NOC2L: variants seen among roughly 807,000 people sequenced by gnomAD.
The protein encoded by NOC2L is nucleolar complex protein 2 homolog.
Under a neutral mutation model 94.2 loss-of-function variants are expected in NOC2L, and 101 were observed. That is an observed-to-expected ratio of 1.07 (90% CI 0.91 to 1.26). The LOEUF (loss-of-function observed/expected upper bound fraction) is 1.26. Ranked by LOEUF, NOC2L falls within the 50% of genes most tolerant of loss-of-function variation. The probability of loss-of-function intolerance (pLI) is 0.00; values close to 1 mark genes in which losing one functional copy is unlikely to be tolerated. For missense variants in NOC2L, 1,076 were observed against 980.1 expected (o/e 1.10, Z -1.31); for synonymous variants, 531 against 413.4 (o/e 1.28, Z -3.45).
chr1:947,541 G>A (rs3128104), intron 14 of NOC2L, among the ~76,000 whole-genome samples: 1 of 152,214 alleles, frequency 6.6e-6, no homozygotes, highest in African/African-American at 2.4e-5. Context: ...CTAGGCACAG[G>A]CCTCCCTGAG....
At chr1:956,318 A>T in intron 4 of NOC2L, 103 bp from the exon 5 acceptor site, 1 of 1,381,020 alleles carries the variant, frequency 7.2e-7, no homozygotes, top group African/African-American at 1.4e-5. Context: ...TCACCCTCAG[A>T]CATAGGGCAG....
rs772130742 is a variant in NOC2L at position 952,071 on chromosome 1, G to A, written c.1260C>T (p.Ser420=). 6.2e-7 allele frequency: 1 copy of A among 1,613,710 alleles called. No homozygotes were observed. The highest frequency in any genetic ancestry group is 8.5e-7 in the Non-Finnish European group (1 of 1,179,972). Reference sequence around the variant, plus strand: ...GGAGGGCTTCGCTGGGGCCCGCAGTGCTCAGGACCCGGCACCACAGGAAGA... The same window carrying A: ...GGAGGGCTTCGCTGGGGCCCGCAGTACTCAGGACCCGGCACCACAGGAAGA... ...HCLFLWCRVL[S]TAGPSEALQP... Residue 420 remains serine, a synonymous_variant, in exon 11 of 19, where the codon AGC becomes AGT. Transcript: ENST00000327044.
rs529013814 is a variant in NOC2L, at chr1:958,691, A to G, written c.179+238T>C. 2.5e-5 allele frequency: 17 copies of G among 689,082 alleles called. 1 individual carries two copies. In the East Asian group the frequency reaches 2.8e-4, roughly 11 times the overall value. 42.7% of individuals were successfully genotyped at this position (689,082 alleles called of 1,614,324 possible). ...CACCCAAGAACGTGAGAGTTCTCCT[A>G]GATCGGGAAGAGATTTTTGCACAAC... is the stretch of plus-strand genomic sequence containing the variant. On this transcript the variant is annotated intron_variant, in intron 2 of 18. Coordinates refer to ENST00000327044, the MANE Select transcript of NOC2L (RefSeq NM_015658.4).
rs1260752921 is a variant in NOC2L, at chr1:944,555, A to AAAAT, written c.*135_*138dup. 5 of 634,588 alleles carry AAAAT rather than the reference A, an allele frequency of 7.9e-6. No individual in the cohort carries two copies. The highest frequency in any genetic ancestry group is 1.9e-5 in the African/African-American group (1 of 53,716). The allele number at this position is 634,588 out of a possible 1,614,324, so 39.3% of individuals were successfully genotyped here. On this transcript the variant is annotated 3_prime_UTR_variant, in exon 19 of 19. Coordinates refer to ENST00000327044, the MANE Select transcript of NOC2L (RefSeq NM_015658.4). ...CGATACGTTTGGTCTTTCATGCTGA[A>AAAAT]AAATAAATAATAAAGCCTGTCCCGT...
At position 955,843 on chromosome 1, in the gene NOC2L, G is replaced by A. The variant is rs1642385499; in HGVS notation, c.698+80C>T. 3.3e-6 allele frequency: 4 copies of A among 1,221,756 alleles called. No individual in the cohort carries two copies. The South Asian group carries it at 5.1e-5, about 15-fold the overall frequency. The allele number at this position is 1,221,756 out of a possible 1,614,324, so 75.7% of individuals were successfully genotyped here. A position where few individuals can be genotyped will look rare whatever the true frequency, so the allele number is the denominator to read the frequency against. On this transcript the variant is annotated intron_variant, in intron 6 of 18. Coordinates refer to ENST00000327044, the MANE Select transcript of NOC2L (RefSeq NM_015658.4). ...GCTCTGTTGCCATGTCTCTGTCCTA[G>A]CCACAAGGCCTCTGGCTTCTCCTGT...
At chr1:947,959 G>A (rs1181629528) in intron 14 of NOC2L, among the ~76,000 whole-genome samples, 172 bp downstream of exon 14, 1 of 152,238 alleles carries the variant, frequency 6.6e-6, no homozygotes, top group African/African-American at 2.4e-5. Flanking sequence ...GAATGGCTTA[G>A]AACCCCTCAT....
Position 944,740 on chromosome 1 carries a change from C to T in NOC2L, c.2204G>A (p.Gly735Glu). 2 of 1,601,084 alleles carry T rather than the reference C, an allele frequency of 1.2e-6. No individual in the cohort carries two copies. Among genetic ancestry groups the T allele is most frequent in the Non-Finnish European group, 1.7e-6 (2 of 1,178,706 alleles). Residue 735 changes from glycine (G) to glutamate (E), a missense_variant, in exon 19 of 19, where the codon GGG becomes GAG. Physicochemically the swap from Gly to Glu is moderately conservative, Grantham distance 98 (BLOSUM62 -2). This residue lies in a region of NOC2L where 615 missense variants were observed against 577.4 expected (regional missense o/e 1.07). Transcript: ENST00000327044. ...CAGATCCTCCAGCTCGTCCTCCGGC[C>T]CCTGGGCCAGCTGCTGCAGCTCCCC... ...APGELQQLAQ[G>E]PEDELEDLQL...
At chr1:948,079 C>T (rs1356768049) in intron 14 of NOC2L, 52 bp downstream of exon 14, 46 of 1,436,556 alleles carry the variant, frequency 3.2e-5, no homozygotes, top group African/African-American at 4.2e-5. Flanking sequence ...CAGCCAAGCC[C>T]GTTATAAGAC....
rs780069377 is a variant in NOC2L at position 957,121 on chromosome 1, T to G, written c.332A>C (p.His111Pro). The change falls in exon 3 of 19, where the codon CAC (histidine) becomes CCC (proline). Residue 111 changes from histidine to proline, a missense_variant. Transcript: ENST00000327044. ...DSSEEEEGPF[H>P]SLPDVLEEAS... ...CACCTCCAGCACATCTGGCAGGGAG[T>G]GGAACGGCCCCTCTTCCTCCTCAGA... The G allele has an allele frequency of 3.1e-6, 5 of 1,613,806 alleles. No homozygotes were observed. Among genetic ancestry groups the G allele is most frequent in the Non-Finnish European group, 1.7e-6 (2 of 1,180,020 alleles).
At chr1:945,958 C>T (rs948889097) in intron 16 of NOC2L, among the ~76,000 whole-genome samples, 4 of 152,228 alleles carry the variant, frequency 2.6e-5, no homozygotes, top group Non-Finnish European at 5.9e-5. Context: ...CATGGCCTCC[C>T]CAACCTAGTG....
Position 954,075 on chromosome 1 carries a change from G to A in NOC2L, c.706C>T (p.Gln236Ter), listed in dbSNP as rs199728424. The A allele has an allele frequency of 3.8e-5, 61 of 1,611,204 alleles. No individual in the cohort carries two copies. The highest frequency in any genetic ancestry group is 5.1e-5 in the Non-Finnish European group (60 of 1,178,482). ...KVAKDSSRMLQPSSSPLWGKL... is the reference protein window; with the variant it reads ...KVAKDSSRML ...CCCCAGAGCGGGCTGCTGGACGGCT[G>A]CAGCATCCTGCAGAGAGACCACCCA... Residue 236 changes from glutamine to a stop codon, truncating the protein, a stop_gained, in exon 7 of 19, where the codon CAG (glutamine) becomes TAG (stop). Coordinates refer to ENST00000327044, the MANE Select transcript of NOC2L (RefSeq NM_015658.4). LOFTEE classifies it high-confidence loss of function.
At position 952,271 on chromosome 1, in the gene NOC2L, C is replaced by T. The variant is rs142462586; in HGVS notation, c.1192-132G>A. 1.4e-3 allele frequency: 1,968 copies of T among 1,387,614 alleles called. 20 individuals carry two copies. The highest frequency in any genetic ancestry group is 0.01 in the South Asian group (792 of 76,412). The allele number at this position is 1,387,614 out of a possible 1,614,324, so 86.0% of individuals were successfully genotyped here. Reference sequence around the variant, plus strand: ...TCTCAACCCATCCACCCTTCCCCCACCTGCAAGGACCGACTGCACCAGGGT... The same window carrying T: ...TCTCAACCCATCCACCCTTCCCCCATCTGCAAGGACCGACTGCACCAGGGT... On this transcript the variant is annotated intron_variant, in intron 10 of 18. Transcript: ENST00000327044.
rs758018670 is a variant in NOC2L at position 953,242 on chromosome 1, A to G, written c.935T>C (p.Leu312Pro). 19 of 1,613,080 alleles carry G rather than the reference A, an allele frequency of 1.2e-5. No homozygotes were observed. In the Admixed American group the frequency reaches 3.0e-4, roughly 25 times the overall value. The part of the protein sequence containing the change: ...WSTGEESLRV[L>P]AFLVLSRVCR... ...GACTCTGCTGAGGACCAGGAAAGCC[A>G]GCACCCGCAGAGACTCTTCCCCAGT... The change falls in exon 9 of 19, where the codon CTG becomes CCG. Residue 312 changes from leucine (L) to proline (P), a missense_variant. Physicochemically the swap from Leu to Pro is moderately conservative, Grantham distance 98. Transcript: ENST00000327044.
In NOC2L at chr1:949,046, A is replaced by AAAG. The variant is rs72502742; in HGVS notation, c.1444-444_1444-443insCTT. Among the ~76,000 whole-genome samples the AAAG allele has an allele frequency of 1.7e-3, 251 of 151,500 alleles. 1 individual carries two copies. Among genetic ancestry groups the AAAG allele is most frequent in the African/African-American group, 5.9e-3 (242 of 41,224 alleles). ...CCGAGCAACCAGAAGACGCAGCAGC[A>AAAG]ACAGCAAAGAGTGCCAGACACAGGA... On this transcript the variant is annotated intron_variant, in intron 12 of 18. Coordinates refer to ENST00000327044, the MANE Select transcript of NOC2L (RefSeq NM_015658.4).
intron 1 of NOC2L, 38 bp downstream of exon 1, chr1:959,177 A>C: frequency 2.5e-6 from 4 of 1,611,504 alleles, no homozygotes; most frequent in Non-Finnish European, 3.4e-6. Context: ...ACAGACACCC[A>C]CCGGGAGGCC....
At position 945,660 on chromosome 1, in the gene NOC2L, G is replaced by A. The variant is rs377368061; in HGVS notation, c.1918-7C>T. 1.1e-5 allele frequency: 18 copies of A among 1,614,048 alleles called. No homozygotes were observed. Among genetic ancestry groups the A allele is most frequent in the South Asian group, 4.4e-5 (4 of 91,088 alleles). ...GGAAGTTCAGGTCTTCCAGCTGGAA[G>A]GCCAAAGAACCAGGGGCTCAGGTGA... On this transcript the variant is annotated splice_polypyrimidine_tract_variant and splice_region_variant and intron_variant, in intron 16 of 18. Coordinates refer to ENST00000327044, the MANE Select transcript of NOC2L (RefSeq NM_015658.4).
At chr1:952,334 C>A in intron 10 of NOC2L, 78 bp downstream of exon 10, 1 of 1,547,604 alleles carries the variant, frequency 6.5e-7, no homozygotes, top group East Asian at 2.3e-5. Flanking sequence ...GGGGAGGCCC[C>A]AGGCCCTGCC....
At chr1:957,319 G>C (rs748872368) in intron 2 of NOC2L, 46 bp from the exon 3 acceptor site, 5 of 1,596,150 alleles carry the variant, frequency 3.1e-6, no homozygotes, top group South Asian at 2.2e-5. Flanking sequence ...TGGAAGTAGA[G>C]GGGGCGGGGA....
In NOC2L at chr1:948,620, G is replaced by T. The variant is rs1240991844; in HGVS notation, c.1444-17C>A. The T allele has an allele frequency of 7.0e-6, 8 of 1,150,938 alleles. No homozygotes were observed. Among genetic ancestry groups the T allele is most frequent in the Non-Finnish European group, 7.7e-6 (7 of 907,940 alleles). 71.3% of individuals were successfully genotyped at this position (1,150,938 alleles called of 1,614,324 possible). On this transcript the variant is annotated splice_polypyrimidine_tract_variant and intron_variant, in intron 12 of 18. Transcript: ENST00000327044. ...CTGGAACATCTGCCCCAAGGGCCGTGTCAGGCTCTCTCGGCCCCATGCCTG... is the reference window on the plus strand; with the variant it reads ...CTGGAACATCTGCCCCAAGGGCCGTTTCAGGCTCTCTCGGCCCCATGCCTG...
Sources: allele counts gnomAD v4.1 joint callset (sites outside exome capture counted in the v4.1 genomes callset), GRCh38; gene constraint gnomAD v4.1.1; regional missense constraint gnomAD v4.1.1; transcripts MANE v1.5; gene names NCBI Gene and HGNC (gene_info 2026-07-23, HGNC 2026-07-21).